Variants in NAV2 observed in about 807,000 individuals in gnomAD.
NAV2 encodes helicase, APC down-regulated 1.
NAV2 carries 54 observed loss-of-function variants against 223.2 expected under a neutral mutation model. The ratio of observed to expected loss-of-function variants is 0.24; its 90% CI spans 0.19 to 0.30. The LOEUF (loss-of-function observed/expected upper bound fraction) is 0.30, where lower values mean the gene tolerates loss of function less well. Among genes scored for constraint, NAV2 ranks in the 10% least tolerant of loss-of-function variants. The pLI is 1.00. For missense variants in NAV2, 2,806 were observed against 3,147.5 expected (o/e 0.89, Z 2.60); for synonymous variants, 1,279 against 1,239.3 (o/e 1.03, Z -0.67).
intron 1 of NAV2, among the ~76,000 whole-genome samples, chr11:19,470,479 C>A (rs1318002449): frequency 6.6e-6 from 1 of 152,150 alleles, no homozygotes; most frequent in Non-Finnish European, 1.5e-5. Flanking sequence ...CTTGTGAGGG[C>A]CTTCTTGCTG....
intron 10 of NAV2, among the ~76,000 whole-genome samples, chr11:19,962,338 T>C (rs2048411399): frequency 6.6e-6 from 1 of 152,044 alleles, no homozygotes; most frequent in Non-Finnish European, 1.5e-5. Context: ...AAAATATTCC[T>C]TTGCAACAAT....
intron 1 of NAV2, among the ~76,000 whole-genome samples, chr11:19,810,905 A>G (rs1385197479): frequency 6.6e-6 from 1 of 152,168 alleles, no homozygotes; most frequent in Non-Finnish European, 1.5e-5. Context: ...GCATCTTTTT[A>G]TAATATCTTT....
At chr11:19,822,585 T>G (rs771216887) in intron 1 of NAV2, among the ~76,000 whole-genome samples, 9 of 152,154 alleles carry the variant, frequency 5.9e-5, no homozygotes, top group Non-Finnish European at 1.0e-4. Flanking sequence ...TCTGTGTGAG[T>G]ATCCCTTTGA....
chr11:20,026,600 G>T (rs893069134), intron 11 of NAV2, among the ~76,000 whole-genome samples: 3 of 152,178 alleles, frequency 2.0e-5, no homozygotes, highest in Non-Finnish European at 4.4e-5. Context: ...GTGAGCCATC[G>T]TGCCTGGCCA....
chr11:19,776,489 C>A (rs2056168030), intron 1 of NAV2, among the ~76,000 whole-genome samples: 2 of 152,000 alleles, frequency 1.3e-5, no homozygotes, highest in African/African-American at 4.8e-5. Flanking sequence ...AGCGGCCAGG[C>A]AAGGTGTGTT....
intron 1 of NAV2, among the ~76,000 whole-genome samples, chr11:19,446,528 T>C (rs1298557812): frequency 1.3e-5 from 2 of 152,154 alleles, no homozygotes; most frequent in Non-Finnish European, 2.9e-5. Context: ...AATGGAGTTT[T>C]TGGACATGTT....
chr11:19,476,676 T>A (rs141841851), intron 1 of NAV2, among the ~76,000 whole-genome samples: 1 of 152,332 alleles, frequency 6.6e-6, no homozygotes, highest in Non-Finnish European at 1.5e-5. Context: ...AGTCAATCGC[T>A]GTGTGCAGGA....
chr11:19,923,418 G>T (rs1233856974), intron 6 of NAV2, among the ~76,000 whole-genome samples: 1 of 151,976 alleles, frequency 6.6e-6, no homozygotes, highest in Non-Finnish European at 1.5e-5. Flanking sequence ...CTACTATTTA[G>T]ACCTCCATTT....
At chr11:19,976,164 A>G (rs1248368229) in intron 10 of NAV2, among the ~76,000 whole-genome samples, 1 of 152,164 alleles carries the variant, frequency 6.6e-6, no homozygotes, top group Non-Finnish European at 1.5e-5. Flanking sequence ...GCCCGGGTCC[A>G]GTGCTTCTTT....
At chr11:19,956,907 A>G (rs539611788) in intron 10 of NAV2, among the ~76,000 whole-genome samples, 1 of 152,278 alleles carries the variant, frequency 6.6e-6, no homozygotes, top group East Asian at 1.9e-4. Context: ...TTGTCTCGCA[A>G]CCAGCTCCTA....
intron 1 of NAV2, among the ~76,000 whole-genome samples, chr11:19,423,900 T>C (rs1850717721): frequency 6.6e-6 from 1 of 152,172 alleles, no homozygotes; most frequent in Non-Finnish European, 1.5e-5. Flanking sequence ...CTCTAGGAGC[T>C]GAGGCATGAG....
At chr11:20,043,333 G>A (rs564471645) in intron 12 of NAV2, among the ~76,000 whole-genome samples, 4 of 152,156 alleles carry the variant, frequency 2.6e-5, no homozygotes, top group African/African-American at 2.4e-5. Flanking sequence ...GAAAATAGGT[G>A]GTGGCTGAAT....
At chr11:19,573,058 T>C (rs1009880864) in intron 1 of NAV2, among the ~76,000 whole-genome samples, 4 of 152,224 alleles carry the variant, frequency 2.6e-5, no homozygotes, top group African/African-American at 4.8e-5. Context: ...TTTGAAATCA[T>C]GTGAGGACTC....
chr11:19,602,452 A>G (rs1214692063), intron 1 of NAV2, among the ~76,000 whole-genome samples: 1 of 152,156 alleles, frequency 6.6e-6, no homozygotes, highest in African/African-American at 2.4e-5. Context: ...CTGGGATGAC[A>G]GGCATGAGCT....
intron 3 of NAV2, among the ~76,000 whole-genome samples, chr11:19,856,599 T>TTG (rs2061418670): frequency 6.6e-6 from 1 of 152,330 alleles, no homozygotes; most frequent in South Asian, 2.1e-4. Context: ...GTTTCTAGTA[T>TTG]TGTGCCTGGC....
intron 1 of NAV2, among the ~76,000 whole-genome samples, chr11:19,464,193 C>T (rs1349076228): frequency 6.6e-6 from 1 of 152,168 alleles, no homozygotes; most frequent in Non-Finnish European, 1.5e-5. Context: ...CTGCAGGCTA[C>T]ACTCTAGTGG....
intron 1 of NAV2, among the ~76,000 whole-genome samples, chr11:19,620,782 A>G (rs1408863038): frequency 6.6e-6 from 1 of 152,180 alleles, no homozygotes; most frequent in Non-Finnish European, 1.5e-5. Context: ...CCCTGGCCAG[A>G]ACTTCCAACA....
At chr11:19,735,313 G>GA in intron 1 of NAV2, among the ~76,000 whole-genome samples, 1 of 152,270 alleles carries the variant, frequency 6.6e-6, no homozygotes, top group South Asian at 2.1e-4. Flanking sequence ...CTCTCTGCCA[G>GA]AAAAATGGGT....
At chr11:19,903,180 G>A (rs1339676044) in intron 6 of NAV2, among the ~76,000 whole-genome samples, 4 of 152,204 alleles carry the variant, frequency 2.6e-5, no homozygotes, top group Non-Finnish European at 5.9e-5. Context: ...CCAGGGAGCC[G>A]TCTTCTCCTG....
Sources: allele counts gnomAD v4.1 joint callset (sites outside exome capture counted in the v4.1 genomes callset), GRCh38; gene constraint gnomAD v4.1.1; transcripts MANE v1.5; gene names NCBI Gene and HGNC (gene_info 2026-07-23, HGNC 2026-07-21).